PMFBP1: variants seen among roughly 807,000 people sequenced by gnomAD.
The protein encoded by PMFBP1 is polyamine-modulated factor 1-binding protein 1.
A neutral mutation model predicts 137.8 loss-of-function variants in PMFBP1; 131 were observed. The ratio of observed to expected loss-of-function variants is 0.95; its 90% confidence interval spans 0.82 to 1.10. PMFBP1 has a LOEUF of 1.10. Among genes scored for constraint, PMFBP1 ranks in the 50% least tolerant of loss-of-function variants. The pLI is 0.00. For synonymous variants in PMFBP1, 490 were observed against 450.4 expected, an observed-to-expected ratio of 1.09 and a Z score of -1.11; for missense variants, 1,199 against 1,175.4, an observed-to-expected ratio of 1.02 and a Z score of -0.29.
chr16:72,221,403 C>T, the PMFBP1 span, among the ~76,000 whole-genome samples: 12 of 152,266 alleles, frequency 7.9e-5, 1 homozygote, highest in South Asian at 8.3e-4. Flanking sequence ...CCCGCTGCTC[C>T]GGCAATTAAC....
the PMFBP1 span, among the ~76,000 whole-genome samples, chr16:72,237,133 A>G: frequency 3.3e-5 from 5 of 152,180 alleles, no homozygotes; most frequent in African/African-American, 1.2e-4. Context: ...ACTCCCGCTT[A>G]GAAGGAGAAA....
At chr16:72,154,620 A>G (rs900551308) in intron 3 of PMFBP1, among the ~76,000 whole-genome samples, 161 bp from the exon 4 acceptor site, 6 of 152,136 alleles carry the variant, frequency 3.9e-5, no homozygotes, top group Non-Finnish European at 8.8e-5. Flanking sequence ...CTCTATTCAC[A>G]AGGAAATGTA....
In PMFBP1 at chr16:72,140,510, C is replaced by G. The variant is rs1555544304; in HGVS notation, c.709G>C (p.Glu237Gln). ...ACTTCAGACAGTCGTTTCTGAGTCTCCTGATGCTCTTGAATCATGCAAGGA... is the reference window on the plus strand; with the variant it reads ...ACTTCAGACAGTCGTTTCTGAGTCTGCTGATGCTCTTGAATCATGCAAGGA... ...TSPCMIQEHQ[E>Q]TQKRLSEVWQ... The change falls in exon 6 of 21, where the codon GAG becomes CAG. Residue 237 changes from glutamate (E) to glutamine (Q), a missense_variant. Coordinates refer to ENST00000237353, the MANE Select transcript of PMFBP1 (RefSeq NM_031293.3). 6.2e-7 allele frequency: 1 copy of G among 1,613,154 alleles called. No individual in the cohort carries two copies. Among genetic ancestry groups the G allele is most frequent in the Non-Finnish European group, 8.5e-7 (1 of 1,179,154 alleles).
chr16:72,248,678 T>A, the PMFBP1 span, among the ~76,000 whole-genome samples: 1 of 152,218 alleles, frequency 6.6e-6, no homozygotes, highest in African/African-American at 2.4e-5. Context: ...ACAGGTGTGA[T>A]CATTTTAGAG....
At chr16:72,199,143 TC>T in the PMFBP1 span, among the ~76,000 whole-genome samples, 1 of 152,110 alleles carries the variant, frequency 6.6e-6, no homozygotes, top group Non-Finnish European at 1.5e-5. Flanking sequence ...CAAGGTCACC[TC>T]TCCCCTGTCG....
the PMFBP1 span, among the ~76,000 whole-genome samples, chr16:72,189,381 T>C: frequency 2.0e-5 from 3 of 152,212 alleles, no homozygotes; most frequent in Admixed American, 2.0e-4. Flanking sequence ...AGGGCACTGA[T>C]GTGTGACCAC....
Position 72,171,232 on chromosome 16 carries a change from C to T in PMFBP1, c.-24G>A. Reference sequence around the variant, plus strand: ...ATTTCCTTGGCAGCTCTCAATTCTCCTTTAACCTTTAGTATTTTCTGAGCT... The same window carrying T: ...ATTTCCTTGGCAGCTCTCAATTCTCTTTTAACCTTTAGTATTTTCTGAGCT... On this transcript the variant is annotated 5_prime_UTR_variant, in exon 2 of 21. Coordinates refer to ENST00000237353, the MANE Select transcript of PMFBP1 (RefSeq NM_031293.3). 1 of 1,613,366 alleles carries T rather than the reference C, an allele frequency of 6.2e-7. No individual in the cohort carries two copies. Among genetic ancestry groups the T allele is most frequent in the South Asian group, 1.1e-5 (1 of 91,064 alleles).
chr16:72,132,905 C>T lies in PMFBP1; in HGVS notation c.1290G>A (p.Glu430=). ...VQNSLLKKEK[E]LEKQQCMATE... ...TGGCCATGCACTGCTGCTTCTCCAG[C>T]TCCTTCTCCTTTTTCAGGAGGCTGT... Residue 430 remains glutamate (E), a synonymous_variant, in exon 10 of 21, where the codon GAG becomes GAA. Transcript: ENST00000237353. The T allele has an allele frequency of 6.2e-7, 1 of 1,614,234 alleles. No individual in the cohort carries two copies. Among genetic ancestry groups the T allele is most frequent in the Non-Finnish European group, 8.5e-7 (1 of 1,180,050 alleles).
chr16:72,153,921 TACACAC>T (rs3223525), intron 4 of PMFBP1, among the ~76,000 whole-genome samples: 42,088 of 133,734 alleles, frequency 0.31, 6,971 homozygotes, highest in African/African-American at 0.47. Context: ...GATGGACTTA[TACACAC>T]ACACACACAC....
At chr16:72,150,925 T>C in intron 4 of PMFBP1, 96 bp from the exon 5 acceptor site, 1 of 1,049,762 alleles carries the variant, frequency 9.5e-7, no homozygotes, top group Non-Finnish European at 1.5e-6. Flanking sequence ...GTCTTGTATC[T>C]GAACCAGAAG....
upstream of PMFBP1, among the ~76,000 whole-genome samples, chr16:72,174,762 G>A (rs770444817): frequency 8.5e-5 from 13 of 152,132 alleles, no homozygotes; most frequent in Admixed American, 5.2e-4. Flanking sequence ...ATCAGATCTC[G>A]TGAGAACTCA....
In PMFBP1 at chr16:72,119,893, T is replaced by C; in HGVS notation, c.2965A>G (p.Arg989Gly). ...CCGATGTACTTGGTGAGGTCCATTC[T>C]TTGACCCATATCCTGGGGCAACCCC... Reference protein sequence around the residue: ...WKGLPQDMGQRMDLTKYIGMP... With the variant: ...WKGLPQDMGQGMDLTKYIGMP... The change falls in exon 20 of 21, where the codon AGA becomes GGA. Residue 989 changes from arginine to glycine, a missense_variant. By Grantham distance (125) the Arg-to-Gly change is moderately radical. Transcript: ENST00000237353. 1 of 1,614,206 alleles carries C rather than the reference T, an allele frequency of 6.2e-7. No homozygotes were observed. The highest frequency in any genetic ancestry group is 1.1e-5 in the South Asian group (1 of 91,082).
the PMFBP1 span, among the ~76,000 whole-genome samples, chr16:72,237,883 T>G: frequency 6.6e-6 from 1 of 152,216 alleles, no homozygotes; most frequent in Admixed American, 6.5e-5. Context: ...CACTTATAAG[T>G]GAGAACATGT....
At chr16:72,128,512 G>A in intron 14 of PMFBP1, 145 bp downstream of exon 14, 1 of 1,558,214 alleles carries the variant, frequency 6.4e-7, no homozygotes, top group Non-Finnish European at 8.7e-7. Flanking sequence ...CAATGGGGAG[G>A]GAAGTAGAGC....
chr16:72,118,024 A>G (rs2042325794), downstream of PMFBP1, among the ~76,000 whole-genome samples: 1 of 152,252 alleles, frequency 6.6e-6, no homozygotes, highest in South Asian at 2.1e-4. Context: ...ATCACTCCAC[A>G]GGAAGTGAAA....
chr16:72,225,709 T>TATTATTATAATA, the PMFBP1 span, among the ~76,000 whole-genome samples: 4 of 109,608 alleles, frequency 3.6e-5, no homozygotes, highest in East Asian at 2.3e-4. Flanking sequence ...TGAGACTGTT[T>TATTATTATAATA]ATAATAATAA....
At chr16:72,147,849 A>G (rs2042836048) in intron 5 of PMFBP1, among the ~76,000 whole-genome samples, 1 of 152,236 alleles carries the variant, frequency 6.6e-6, no homozygotes, top group Admixed American at 6.5e-5. Flanking sequence ...TAGAATGGTG[A>G]TCATTAAAAA....
the PMFBP1 span, among the ~76,000 whole-genome samples, chr16:72,204,497 C>A: frequency 2.0e-5 from 3 of 152,138 alleles, no homozygotes; most frequent in African/African-American, 7.2e-5. Flanking sequence ...GCCACCACAC[C>A]TGGCCATTGT....
At position 72,119,956 on chromosome 16, in the gene PMFBP1, T is replaced by A. The variant is rs1316044790; in HGVS notation, c.2902A>T (p.Thr968Ser). 6.2e-7 allele frequency: 1 copy of A among 1,614,112 alleles called. No individual in the cohort carries two copies. The highest frequency in any genetic ancestry group is 8.5e-7 in the Non-Finnish European group (1 of 1,180,050). The part of the protein sequence containing the change: ...KALGPSRTES[T>S]QREKVCGTLG... ...GTGCCGCACACTTTCTCCCTCTGTG[T>A]GGACTCCGTTCTGCTCGGGCCTAGG... is the stretch of plus-strand genomic sequence containing the variant. The change falls in exon 20 of 21, where the codon ACA (threonine) becomes TCA (serine). Residue 968 changes from threonine (T) to serine (S), a missense_variant. By Grantham distance (58) the Thr-to-Ser change is moderately conservative. Transcript: ENST00000237353.
Sources: gnomAD v4.1 joint callset for allele counts (sites outside exome capture counted in the v4.1 genomes callset) on GRCh38, gnomAD v4.1.1 for gene constraint, MANE v1.5 for transcripts, NCBI Gene and HGNC (gene_info 2026-07-23, HGNC 2026-07-21) for gene names.